ZNF791: variants seen among roughly 807,000 people sequenced by gnomAD.
ZNF791 encodes the protein zinc finger protein 791.
A neutral mutation model predicts 11.5 loss-of-function variants in ZNF791; 4 were observed. The ratio of observed to expected loss-of-function variants is 0.35; its 90% CI spans 0.17 to 0.80. ZNF791 has a LOEUF of 0.80. Ranked by LOEUF, ZNF791 falls within the 30% of genes least tolerant of loss-of-function variation. The pLI, the probability that ZNF791 is intolerant of heterozygous loss-of-function variation, is 0.53. For missense variants in ZNF791, 559 were observed against 699.4 expected, an observed-to-expected ratio of 0.80 and a Z score of 2.26; for synonymous variants, 212 against 228.1, an observed-to-expected ratio of 0.93 and a Z score of 0.64.
chr19:12,620,408 T>C (rs2145185255), intron 1 of ZNF791, among the ~76,000 whole-genome samples: 2 of 151,540 alleles, frequency 1.3e-5, no homozygotes, highest in Non-Finnish European at 2.9e-5. Context: ...ACTCCTGGGC[T>C]CAAACGATCT....
In ZNF791 at chr19:12,629,205, A is replaced by G. The variant is rs1294927692; in HGVS notation, c.1676A>G (p.Lys559Arg). The change falls in exon 4 of 4, where the codon AAA (lysine) becomes AGA (arginine). Residue 559 changes from lysine to arginine, a missense_variant. Physicochemically the swap from Lys to Arg is conservative, Grantham distance 26. Transcript: ENST00000343325. The stretch of plus-strand genomic sequence containing the variant: ...CCTCTTGAATGTAAGCAATGTGGAA[A>G]AGCCTTCAGTGTGTCCACATCCTTA... ...EKPLECKQCGKAFSVSTSLKK... is the reference protein window; with the variant it reads ...EKPLECKQCGRAFSVSTSLKK... The G allele has an allele frequency of 3.2e-6, 5 of 1,565,874 alleles. No homozygotes were observed. In the East Asian group the frequency reaches 1.1e-4, roughly 35 times the overall value.
chr19:12,622,907 A>AG (rs1471779177), intron 1 of ZNF791, among the ~76,000 whole-genome samples: 7 of 97,564 alleles, frequency 7.2e-5, no homozygotes, highest in Non-Finnish European at 1.0e-4. Flanking sequence ...AAAAAAAAAA[A>AG]AAAGAAAGAA....
chr19:12,623,542 A>G (rs2023383381), intron 1 of ZNF791, 158 bp from the exon 2 acceptor site: 5 of 856,276 alleles, frequency 5.8e-6, no homozygotes, highest in Non-Finnish European at 7.3e-6. Context: ...AGATGTAGCT[A>G]TAAGTTTATG....
chr19:12,619,867 T>G (rs988188037), intron 1 of ZNF791, among the ~76,000 whole-genome samples: 21 of 151,632 alleles, frequency 1.4e-4, no homozygotes, highest in African/African-American at 4.8e-4. Flanking sequence ...TTTTTTTCTT[T>G]TTATTATTTA....
chr19:12,619,444 C>CTTTTT (rs145492959), intron 1 of ZNF791, among the ~76,000 whole-genome samples: 7 of 97,484 alleles, frequency 7.2e-5, no homozygotes, highest in Non-Finnish European at 1.0e-4. Flanking sequence ...CTAATGTTAT[C>CTTTTT]TTTTTTTTTT....
chr19:12,613,784 C>T (rs1420127726), intron 1 of ZNF791, among the ~76,000 whole-genome samples: 1 of 152,016 alleles, frequency 6.6e-6, no homozygotes. Context: ...CATATGCCCA[C>T]CATGGAAGGA....
At position 12,628,565 on chromosome 19, in the gene ZNF791, C is replaced by T; in HGVS notation, c.1036C>T (p.His346Tyr). The T allele has an allele frequency of 1.9e-6, 3 of 1,599,800 alleles. No homozygotes were observed. Among genetic ancestry groups the T allele is most frequent in the Non-Finnish European group, 2.6e-6 (3 of 1,173,662 alleles). Reference protein sequence around the residue: ...SFSARPAFRVHVRVHTGEKPY... With the variant: ...SFSARPAFRVYVRVHTGEKPY... ...CAGTGCACGCCCAGCCTTTCGAGTA[C>T]ACGTGAGAGTGCATACTGGAGAGAA... Residue 346 changes from histidine (H) to tyrosine (Y), a missense_variant, in exon 4 of 4, where the codon CAC becomes TAC. Physicochemically the swap from His to Tyr is moderately conservative, Grantham distance 83. Transcript: ENST00000343325.
Position 12,623,782 on chromosome 19 carries a change from A to C in ZNF791, c.86A>C (p.Tyr29Ser), listed in dbSNP as rs1179902528. ...CTGGCTCCTTCACAGAAGAAACTCTACAGAGATGTGATGCAGGAAACATTC... is the reference window on the plus strand; with the variant it reads ...CTGGCTCCTTCACAGAAGAAACTCTCCAGAGATGTGATGCAGGAAACATTC... ...ALLAPSQKKL[Y>S]RDVMQETFKN... Residue 29 changes from tyrosine (Y) to serine (S), a missense_variant, in exon 2 of 4, where the codon TAC becomes TCC. Coordinates refer to ENST00000343325, the MANE Select transcript of ZNF791 (RefSeq NM_153358.3). The C allele has an allele frequency of 6.2e-7, 1 of 1,609,674 alleles. No individual in the cohort carries two copies. Among genetic ancestry groups the C allele is most frequent in the East Asian group, 2.2e-5 (1 of 44,858 alleles).
Position 12,624,711 on chromosome 19 carries a change from G to A in ZNF791, c.191+1G>A. ...ACAAAAACCAAGGACGAAATCTAAGGTGAGTTGCACTCACAAGAAGTAACA... is the reference window on the plus strand; with the variant it reads ...ACAAAAACCAAGGACGAAATCTAAGATGAGTTGCACTCACAAGAAGTAACA... On this transcript the variant is annotated splice_donor_variant, in intron 3 of 3. Coordinates refer to ENST00000343325, the MANE Select transcript of ZNF791 (RefSeq NM_153358.3). LOFTEE classifies it high-confidence loss of function. 6.2e-7 allele frequency: 1 copy of A among 1,604,454 alleles called. No individual in the cohort carries two copies. Among genetic ancestry groups the A allele is most frequent in the South Asian group, 1.1e-5 (1 of 89,110 alleles).
intron 3 of ZNF791, among the ~76,000 whole-genome samples, chr19:12,627,365 G>A (rs1450567358): frequency 2.6e-5 from 4 of 152,160 alleles, no homozygotes; most frequent in Non-Finnish European, 2.9e-5. Flanking sequence ...GGTGGCTCAC[G>A]CCTGTAATCC....
chr19:12,633,176 GGTAAGTAT>G lies in ZNF791; in HGVS notation c.*3919_*3926del, dbSNP rs1370527311. The stretch of plus-strand genomic sequence containing the variant: ...TTTTATTAAACATCTGGCATAAGTT[GGTAAGTAT>G]GTGAAGTTTATCATATATTCTTATG... On this transcript the variant is annotated 3_prime_UTR_variant, in exon 4 of 4. Coordinates refer to ENST00000343325, the MANE Select transcript of ZNF791 (RefSeq NM_153358.3). The G allele has an allele frequency of 6.6e-6, 1 of 152,062 alleles. No homozygotes were observed. Among genetic ancestry groups the G allele is most frequent in the Non-Finnish European group, 1.5e-5 (1 of 67,998 alleles). 9.4% of individuals were successfully genotyped at this position (152,062 alleles called of 1,614,324 possible).
intron 1 of ZNF791, among the ~76,000 whole-genome samples, chr19:12,614,926 T>TTTTTTTTTTTTTTTTTTC (rs2023221943): frequency 7.4e-6 from 1 of 135,252 alleles, no homozygotes; most frequent in Non-Finnish European, 1.6e-5. Context: ...TTTTTTTTTT[T>TTTTTTTTTTTTTTTTTTC]TGATACAGCG....
At chr19:12,615,779 CA>C (rs1184737319) in intron 1 of ZNF791, among the ~76,000 whole-genome samples, 6,750 of 58,464 alleles carry the variant, frequency 0.12, 385 homozygotes, top group African/African-American at 0.3. Flanking sequence ...GACTCCGTCT[CA>C]AAAAAAAAAA....
chr19:12,624,636 G>T lies in ZNF791; in HGVS notation c.131-14G>T. 1 of 1,587,778 alleles carries T rather than the reference G, an allele frequency of 6.3e-7. No individual in the cohort carries two copies. The highest frequency in any genetic ancestry group is 8.6e-7 in the Non-Finnish European group (1 of 1,164,166). ...TTAATAATTTATCATGATTATTCTT[G>T]ATCTACATTTTAGGGGAAAAATGGG... On this transcript the variant is annotated splice_polypyrimidine_tract_variant and intron_variant, in intron 2 of 3. Coordinates refer to ENST00000343325, the MANE Select transcript of ZNF791 (RefSeq NM_153358.3).
chr19:12,615,873 G>A (rs1388214498), intron 1 of ZNF791, among the ~76,000 whole-genome samples: 1 of 151,672 alleles, frequency 6.6e-6, no homozygotes, highest in Non-Finnish European at 1.5e-5. Context: ...TGGCAGTTAT[G>A]AAGAAACCTC....
At position 12,629,878 on chromosome 19, in the gene ZNF791, A is replaced by AT. The variant is rs1396225071; in HGVS notation, c.*618_*619insT. 6.6e-6 allele frequency: 1 copy of AT among 151,764 alleles called. No homozygotes were observed. The highest frequency in any genetic ancestry group is 1.9e-4 in the East Asian group (1 of 5,210). 9.4% of individuals were successfully genotyped at this position (151,764 alleles called of 1,614,324 possible). Reference sequence around the variant, plus strand: ...ACTCTGTCTCAAAAAAAAAAAAAAAAAAAAAGTACAACACAGCTGGGCATG... The same window carrying AT: ...ACTCTGTCTCAAAAAAAAAAAAAAAATAAAAAGTACAACACAGCTGGGCATG... On this transcript the variant is annotated 3_prime_UTR_variant, in exon 4 of 4. Coordinates refer to ENST00000343325, the MANE Select transcript of ZNF791 (RefSeq NM_153358.3).
At chr19:12,612,656 T>A (rs2023177668) in intron 1 of ZNF791, among the ~76,000 whole-genome samples, 1 of 150,534 alleles carries the variant, frequency 6.6e-6, no homozygotes, top group African/African-American at 2.4e-5. Context: ...TTTCACTATG[T>A]TTCCCAGGAT....
At chr19:12,625,270 G>A (rs942581465) in intron 3 of ZNF791, among the ~76,000 whole-genome samples, 21 of 150,676 alleles carry the variant, frequency 1.4e-4, no homozygotes, top group African/African-American at 5.1e-4. Context: ...ACAGGGACGT[G>A]CCACCACACC....
chr19:12,626,360 T>A (rs12983271), intron 3 of ZNF791, among the ~76,000 whole-genome samples: 81,312 of 145,534 alleles, frequency 0.56, 23,155 homozygotes, highest in Non-Finnish European at 0.67. Context: ...TATGTTGGCC[T>A]GGATGGTCTC....
Sources: gnomAD v4.1 joint callset for allele counts (sites outside exome capture counted in the v4.1 genomes callset) on GRCh38, gnomAD v4.1.1 for gene constraint, MANE v1.5 for transcripts, NCBI Gene and HGNC (gene_info 2026-07-23, HGNC 2026-07-21) for gene names.